The following TRDMT1 variants were observed in gnomAD, a reference collection of about 807,000 sequenced individuals.
The protein encoded by TRDMT1 is tRNA aspartic acid methyltransferase 1.
TRDMT1 carries 49 observed loss-of-function variants against 51.2 expected under a neutral mutation model. The ratio of observed to expected loss-of-function variants is 0.96; its 90% CI spans 0.76 to 1.21. The LOEUF (loss-of-function observed/expected upper bound fraction) is 1.21, where lower values mean the gene tolerates loss of function less well. Among genes scored for constraint, TRDMT1 ranks in the 50% most tolerant of loss-of-function variants. TRDMT1 has a pLI of 0.00. For synonymous variants in TRDMT1, 187 were observed against 164.6 expected (o/e 1.14, Z -1.04); for missense variants, 534 against 462.3 (o/e 1.16, Z -1.42).
At chr10:17,194,889 C>T (rs1391883945) in intron 1 of TRDMT1, among the ~76,000 whole-genome samples, 1 of 137,902 alleles carries the variant, frequency 7.3e-6, no homozygotes, top group East Asian at 2.2e-4. Context: ...GCCAAGATTG[C>T]ACCACTGCAC....
intron 1 of TRDMT1, among the ~76,000 whole-genome samples, chr10:17,180,607 A>G (rs182690659): frequency 6.6e-6 from 1 of 152,224 alleles, no homozygotes; most frequent in East Asian, 1.9e-4. Flanking sequence ...GGGAATCAAC[A>G]TGAAGTAACA....
chr10:17,157,409 G>T (rs774118049), intron 8 of TRDMT1, 32 bp downstream of exon 8: 6 of 1,487,124 alleles, frequency 4.0e-6, no homozygotes, highest in South Asian at 1.4e-5. Context: ...TGGTTATTTT[G>T]GATACAGGAT....
At chr10:17,198,076 T>C (rs1845688215) in intron 1 of TRDMT1, among the ~76,000 whole-genome samples, 2 of 152,014 alleles carry the variant, frequency 1.3e-5, no homozygotes, top group South Asian at 2.1e-4. Context: ...TCAACATCTT[T>C]AGTTATTAAG....
At position 17,174,659 on chromosome 10, in the gene TRDMT1, T is replaced by C; in HGVS notation, c.66A>G (p.Glu22=). The C allele has an allele frequency of 6.2e-7, 1 of 1,608,584 alleles. No homozygotes were observed. The highest frequency in any genetic ancestry group is 1.1e-5 in the South Asian group (1 of 90,728). The change falls in exon 2 of 11, where the codon GAA becomes GAG. Residue 22 remains glutamate, a splice_region_variant and synonymous_variant. Coordinates refer to ENST00000377799, the MANE Select transcript of TRDMT1 (RefSeq NM_004412.7). The part of the protein sequence containing the change: ...GVGGMHHALR[E]SCIPAQVVAA... ...CCACCACTTGTGCAGGTATACAGCT[T>C]TCTGTAATGATAAATGGAGTATCTT...
At chr10:17,160,690 C>A (rs528991903) in intron 5 of TRDMT1, among the ~76,000 whole-genome samples, 165 of 152,230 alleles carry the variant, frequency 1.1e-3, no homozygotes, top group African/African-American at 3.8e-3. Context: ...CCAGGCTGGT[C>A]TAGAACTCCT....
rs1011842065 is a variant in TRDMT1 at position 17,138,718 on chromosome 10, G to C, written c.*10322C>G. On this transcript the variant is annotated 3_prime_UTR_variant, in exon 11 of 11. Coordinates refer to ENST00000377799, the MANE Select transcript of TRDMT1 (RefSeq NM_004412.7). ...GTTTGGCAGAGCTTTTCCTGAGAAA[G>C]CAGATTGTTGAGAGTTTGGAGAACT... Among the ~76,000 whole-genome samples, 1 of 151,792 alleles carries C rather than the reference G, an allele frequency of 6.6e-6. No homozygotes were observed. Among genetic ancestry groups the C allele is most frequent in the Non-Finnish European group, 1.5e-5 (1 of 67,966 alleles).
intron 1 of TRDMT1, among the ~76,000 whole-genome samples, chr10:17,187,420 T>C (rs995947989): frequency 2.0e-5 from 3 of 152,196 alleles, no homozygotes; most frequent in Non-Finnish European, 4.4e-5. Context: ...AGTATGTCCT[T>C]TTAAAAAAAT....
chr10:17,180,851 C>G (rs1470625661), intron 1 of TRDMT1, among the ~76,000 whole-genome samples: 3 of 152,132 alleles, frequency 2.0e-5, no homozygotes, highest in Non-Finnish European at 4.4e-5. Flanking sequence ...TAGCAAACAA[C>G]ATATTTTTCC....
Position 17,163,102 on chromosome 10 carries a change from A to C in TRDMT1, c.252-865T>G, listed in dbSNP as rs558880673. Among the ~76,000 whole-genome samples, 162 of 152,312 alleles carry C rather than the reference A, an allele frequency of 1.1e-3. No individual in the cohort carries two copies. The Middle Eastern group carries it at 0.014, about 13-fold the overall frequency. Reference sequence around the variant, plus strand: ...GTAAAACTAACACAATTTTGTCCAAAGTAAATAGGAGAGACTTAAGCTGAA... The same window carrying C: ...GTAAAACTAACACAATTTTGTCCAACGTAAATAGGAGAGACTTAAGCTGAA... On this transcript the variant is annotated intron_variant, in intron 3 of 10. Coordinates refer to ENST00000377799, the MANE Select transcript of TRDMT1 (RefSeq NM_004412.7).
At chr10:17,200,671 G>A (rs936756124) in intron 1 of TRDMT1, 2 of 159,408 alleles carry the variant, frequency 1.3e-5, no homozygotes, top group African/African-American at 4.8e-5. Flanking sequence ...CACAGAATAG[G>A]AGCTCAATAA....
chr10:17,185,402 T>A (rs1325482032), intron 1 of TRDMT1, among the ~76,000 whole-genome samples: 1 of 148,508 alleles, frequency 6.7e-6, no homozygotes, highest in Non-Finnish European at 1.5e-5. Context: ...ATGGCGATCA[T>A]TAAAAAGTCA....
intron 2 of TRDMT1, chr10:17,172,066 C>T (rs1302970082): frequency 1.2e-5 from 2 of 166,692 alleles, no homozygotes; most frequent in African/African-American, 4.8e-5. Flanking sequence ...ATTTTTGAAG[C>T]AATAATGGTC....
intron 1 of TRDMT1, among the ~76,000 whole-genome samples, chr10:17,176,305 C>T (rs1413580163): frequency 2.0e-5 from 3 of 152,074 alleles, no homozygotes; most frequent in African/African-American, 7.2e-5. Flanking sequence ...ACTGGGATTG[C>T]CTGACATTGG....
At position 17,144,682 on chromosome 10, in the gene TRDMT1, A is replaced by C; in HGVS notation, c.*4358T>G. 1 of 985,458 alleles carries C rather than the reference A, an allele frequency of 1.0e-6. No homozygotes were observed. The highest frequency in any genetic ancestry group is 4.7e-5 in the South Asian group (1 of 21,288). The allele number at this position is 985,458 out of a possible 1,614,324, so 61.0% of individuals were successfully genotyped here. On this transcript the variant is annotated 3_prime_UTR_variant, in exon 11 of 11. Coordinates refer to ENST00000377799, the MANE Select transcript of TRDMT1 (RefSeq NM_004412.7). ...TAAAAAGAAATAAATTCACAAGCTA[A>C]GACATGAATGGTGATGGAGTTTGGA...
Position 17,169,277 on chromosome 10 carries a change from G to A in TRDMT1, c.175-360C>T, listed in dbSNP as rs893978146. 37 of 1,073,826 alleles carry A rather than the reference G, an allele frequency of 3.4e-5. No individual in the cohort carries two copies. In the African/African-American group the frequency reaches 6.0e-4, roughly 17 times the overall value. 66.5% of individuals were successfully genotyped at this position (1,073,826 alleles called of 1,614,324 possible). On this transcript the variant is annotated intron_variant, in intron 2 of 10. Transcript: ENST00000377799. The stretch of plus-strand genomic sequence containing the variant: ...TATTTTATAATTGATAACGTTCATG[G>A]AGATGGGGTCTAGGAAATTTTTAAA...
At chr10:17,195,080 C>T (rs954583549) in intron 1 of TRDMT1, among the ~76,000 whole-genome samples, 3 of 151,494 alleles carry the variant, frequency 2.0e-5, no homozygotes, top group African/African-American at 7.3e-5. Context: ...GAACTTAAAA[C>T]AAAACTACCA....
Position 17,139,262 on chromosome 10 carries a change from TG to T in TRDMT1, c.*9777del. The T allele has an allele frequency of 1.0e-6, 1 of 955,650 alleles. No individual in the cohort carries two copies. Among genetic ancestry groups the T allele is most frequent in the South Asian group, 4.8e-5 (1 of 20,664 alleles). 59.2% of individuals were successfully genotyped at this position (955,650 alleles called of 1,614,324 possible). On this transcript the variant is annotated 3_prime_UTR_variant, in exon 11 of 11. Coordinates refer to ENST00000377799, the MANE Select transcript of TRDMT1 (RefSeq NM_004412.7). The stretch of plus-strand genomic sequence containing the variant: ...CCCTAAAATTCCCCAAACAAGGCGG[TG>T]AAGTTAAATATTTAGACACCATTCA...
At chr10:17,198,054 AAG>A (rs1163219284) in intron 1 of TRDMT1, among the ~76,000 whole-genome samples, 1 of 152,164 alleles carries the variant, frequency 6.6e-6, no homozygotes, top group East Asian at 1.9e-4. Flanking sequence ...AAGAAAGAAA[AAG>A]AAAAGATGCT....
intron 1 of TRDMT1, among the ~76,000 whole-genome samples, chr10:17,175,221 G>C (rs182958927): frequency 6.6e-6 from 1 of 152,158 alleles, no homozygotes; most frequent in African/African-American, 2.4e-5. Context: ...CAATTAATTG[G>C]TATCCAAATG....
Sources: allele counts gnomAD v4.1 joint callset (sites outside exome capture counted in the v4.1 genomes callset), GRCh38; gene constraint gnomAD v4.1.1; transcripts MANE v1.5; gene names NCBI Gene and HGNC (gene_info 2026-07-23, HGNC 2026-07-21).